The following DNAH14 variants were observed in gnomAD, a reference collection of about 807,000 sequenced individuals.
DNAH14 encodes the protein dynein axonemal heavy chain 14.
A neutral mutation model predicts 520.9 loss-of-function variants in DNAH14; 478 were observed. The ratio of observed to expected loss-of-function variants is 0.92; its 90% confidence interval spans 0.85 to 0.99. The LOEUF (loss-of-function observed/expected upper bound fraction) is 0.99. DNAH14 is among the 50% of genes least tolerant of loss of function. DNAH14 has a pLI of 0.00. For missense variants in DNAH14, 4,831 were observed against 5,234.5 expected (o/e 0.92, Z 2.38); for synonymous variants, 1,581 against 1,757.2 (o/e 0.90, Z 2.51).
chr1:224,968,763 T>A lies in DNAH14; in HGVS notation c.656T>A (p.Ile219Asn), dbSNP rs1399355665. ...VITASFISKV[I>N]NIVGSVKEVE... The stretch of plus-strand genomic sequence containing the variant: ...CTTTTGTGCTTTATTTTGTAGGTTA[T>A]TAATATAGTTGGTAGTGTAAAGGAA... The change falls in exon 7 of 86, where the codon ATT (isoleucine) becomes AAT (asparagine). Residue 219 changes from isoleucine (I) to asparagine (N), a missense_variant. By Grantham distance (149) the Ile-to-Asn change is moderately radical. Coordinates refer to ENST00000682510, the MANE Select transcript of DNAH14 (RefSeq NM_001367479.1). 1.4e-6 allele frequency: 2 copies of A among 1,455,172 alleles called. No homozygotes were observed. Among genetic ancestry groups the A allele is most frequent in the Admixed American group, 5.5e-5 (2 of 36,276 alleles). The allele number at this position is 1,455,172 out of a possible 1,614,324, so 90.1% of individuals were successfully genotyped here. A position where few individuals can be genotyped will look rare whatever the true frequency, so the allele number is the denominator to read the frequency against.
At chr1:225,130,017 C>T (rs565380204) in intron 27 of DNAH14, among the ~76,000 whole-genome samples, 1 of 152,260 alleles carries the variant, frequency 6.6e-6, no homozygotes, top group African/African-American at 2.4e-5. Context: ...GGGATATGAA[C>T]AGACACTTCT....
At chr1:225,226,547 C>A (rs1033033986) in intron 41 of DNAH14, among the ~76,000 whole-genome samples, 3 of 152,154 alleles carry the variant, frequency 2.0e-5, no homozygotes, top group Non-Finnish European at 4.4e-5. Flanking sequence ...AGGACAAGCC[C>A]GTAGCCTCCA....
intron 21 of DNAH14, among the ~76,000 whole-genome samples, chr1:225,094,420 C>T (rs2074695025): frequency 6.6e-6 from 1 of 151,840 alleles, no homozygotes; most frequent in Non-Finnish European, 1.5e-5. Context: ...AACTGGCTAG[C>T]CATATGCAGA....
rs1389204363 is a variant in DNAH14 at position 225,381,508 on chromosome 1, A to C, written c.13006A>C (p.Ile4336Leu). Residue 4336 changes from isoleucine to leucine, a missense_variant, in exon 81 of 86, where the codon ATC becomes CTC. Transcript: ENST00000682510. ...TCTTCAGCTTGCTATAAAAGGAGAG[A>C]TCATCCTCACCCAAGAATTGGAGGA... ...KDLQLAIKGE[I>L]ILTQELEEIF... 8 of 1,549,858 alleles carry C rather than the reference A, an allele frequency of 5.2e-6. No individual in the cohort carries two copies. The highest frequency in any genetic ancestry group is 4.4e-6 in the Non-Finnish European group (5 of 1,146,482).
At position 225,002,929 on chromosome 1, in the gene DNAH14, T is replaced by C; in HGVS notation, c.975+2T>C. The C allele has an allele frequency of 6.5e-7, 1 of 1,541,732 alleles. No individual in the cohort carries two copies. ...CTATCTGCCATATGCCTTGTAAAGG[T>C]GAGTAGAAGTATACTACTATAAGCT... On this transcript the variant is annotated splice_donor_variant, in intron 9 of 85. Transcript: ENST00000682510. LOFTEE classifies it high-confidence loss of function.
At chr1:224,994,010 A>G (rs1461855261) in intron 8 of DNAH14, among the ~76,000 whole-genome samples, 9 of 151,990 alleles carry the variant, frequency 5.9e-5, no homozygotes, top group Non-Finnish European at 1.5e-5. Context: ...CCTTTTATTG[A>G]TTTCTATTTT....
At chr1:225,285,063 G>A (rs1043334073) in intron 54 of DNAH14, among the ~76,000 whole-genome samples, 1 of 152,146 alleles carries the variant, frequency 6.6e-6, no homozygotes. Context: ...CCCTAAGATT[G>A]AGAACAAAGC....
rs3105559 is a variant in DNAH14, at chr1:225,079,264, C to A, written c.2482C>A (p.Leu828Met). Reference sequence around the variant, plus strand: ...TGATCCCACTGAAATAGAAGAATTTCTGGAGCATTTTATTTTTTTGAATGC... The same window carrying A: ...TGATCCCACTGAAATAGAAGAATTTATGGAGCATTTTATTTTTTTGAATGC... ...ECDPTEIEEFLEHFIFLNAIS... is the reference protein window; with the variant it reads ...ECDPTEIEEFMEHFIFLNAIS... Residue 828 changes from leucine to methionine, a missense_variant, in exon 18 of 86, where the codon CTG (leucine) becomes ATG (methionine). Transcript: ENST00000682510. 6 of 1,547,676 alleles carry A rather than the reference C, an allele frequency of 3.9e-6. No individual in the cohort carries two copies. The highest frequency in any genetic ancestry group is 5.2e-6 in the Non-Finnish European group (6 of 1,146,332).
chr1:224,989,502 G>C (rs763962412), intron 8 of DNAH14, among the ~76,000 whole-genome samples: 1 of 151,974 alleles, frequency 6.6e-6, no homozygotes, highest in African/African-American at 2.4e-5. Context: ...TAGAATATTG[G>C]TTATCTGTAA....
At position 225,290,045 on chromosome 1, in the gene DNAH14, C is replaced by A; in HGVS notation, c.8432C>A (p.Pro2811His). ...ATTCACGCAGGATTAAAAGGGAAACCCACTGTTCTGATGGTTCCCAATTTA... is the reference window on the plus strand; with the variant it reads ...ATTCACGCAGGATTAAAAGGGAAACACACTGTTCTGATGGTTCCCAATTTA... ...VFIHAGLKGK[P>H]TVLMVPNLNI... Residue 2811 changes from proline (P) to histidine (H), a missense_variant, in exon 55 of 86, where the codon CCC becomes CAC. Coordinates refer to ENST00000682510, the MANE Select transcript of DNAH14 (RefSeq NM_001367479.1). 1.3e-6 allele frequency: 2 copies of A among 1,511,634 alleles called. No individual in the cohort carries two copies. Among genetic ancestry groups the A allele is most frequent in the South Asian group, 1.3e-5 (1 of 77,016 alleles). 93.6% of individuals were successfully genotyped at this position (1,511,634 alleles called of 1,614,324 possible).
intron 41 of DNAH14, among the ~76,000 whole-genome samples, chr1:225,217,516 C>T (rs1332717037): frequency 2.0e-5 from 3 of 152,208 alleles, no homozygotes; most frequent in African/African-American, 7.2e-5. Flanking sequence ...TCTGCAGAGG[C>T]AGGCAGGCCT....
intron 41 of DNAH14, among the ~76,000 whole-genome samples, 194 bp from the exon 42 acceptor site, chr1:225,230,879 C>T (rs1484047630): frequency 6.6e-6 from 1 of 152,120 alleles, no homozygotes; most frequent in Non-Finnish European, 1.5e-5. Flanking sequence ...TCAGTTCTGA[C>T]AATGTAAGAA....
Position 224,964,481 on chromosome 1 carries a change from C to G in DNAH14, c.370C>G (p.Pro124Ala). Residue 124 changes from proline to alanine, a missense_variant and splice_region_variant, in exon 5 of 86, where the codon CCA becomes GCA. Pro to Ala is a conservative substitution (Grantham distance 27, BLOSUM62 -1). Transcript: ENST00000682510. ...ARPVSYDRTE[P>A]KDDDVIRNII... ...ATTTTTAAATTGTTCTATACCAGAACCAAAAGATGATGATGTGATAAGAAA... is the reference window on the plus strand; with the variant it reads ...ATTTTTAAATTGTTCTATACCAGAAGCAAAAGATGATGATGTGATAAGAAA... 6.2e-7 allele frequency: 1 copy of G among 1,606,814 alleles called. No individual in the cohort carries two copies. The highest frequency in any genetic ancestry group is 8.5e-7 in the Non-Finnish European group (1 of 1,176,114).
intron 54 of DNAH14, among the ~76,000 whole-genome samples, chr1:225,280,225 T>C (rs1406444458): frequency 2.0e-5 from 3 of 151,814 alleles, no homozygotes; most frequent in African/African-American, 7.3e-5. Context: ...TTAATGGGGC[T>C]CCCAGAAAGA....
chr1:225,007,290 G>C, intron 9 of DNAH14, 123 bp from the exon 10 acceptor site: 1 of 698,778 alleles, frequency 1.4e-6, no homozygotes, highest in South Asian at 3.6e-5. Context: ...AGTCATATAG[G>C]ATATACAGAA....
chr1:225,059,862 T>C (rs961270593), intron 17 of DNAH14, among the ~76,000 whole-genome samples: 22 of 152,250 alleles, frequency 1.4e-4, no homozygotes, highest in African/African-American at 5.1e-4. Context: ...GCCCCCACTC[T>C]CTTCTGACTT....
At chr1:224,946,196 G>T (rs1319236646) in intron 1 of DNAH14, among the ~76,000 whole-genome samples, 1 of 152,090 alleles carries the variant, frequency 6.6e-6, no homozygotes, top group Non-Finnish European at 1.5e-5. Context: ...GCAATTATGG[G>T]CGCCCCTCCC....
chr1:225,127,358 T>C (rs1005640337), intron 27 of DNAH14, among the ~76,000 whole-genome samples: 2 of 151,770 alleles, frequency 1.3e-5, no homozygotes, highest in Admixed American at 6.6e-5. Flanking sequence ...TCTTTGTAGG[T>C]CACTCAGGAC....
chr1:224,936,878 T>C (rs1370162914), intron 1 of DNAH14, among the ~76,000 whole-genome samples: 3 of 151,918 alleles, frequency 2.0e-5, no homozygotes, highest in East Asian at 1.9e-4. Flanking sequence ...CCATGATCAA[T>C]TGAGATTCTT....
Sources: gnomAD v4.1 joint callset for allele counts (sites outside exome capture counted in the v4.1 genomes callset) on GRCh38, gnomAD v4.1.1 for gene constraint, MANE v1.5 for transcripts, NCBI Gene and HGNC (gene_info 2026-07-23, HGNC 2026-07-21) for gene names.